SERINC5: variants seen among roughly 807,000 people sequenced by gnomAD.
SERINC5 encodes chromosome 5 open reading frame 12.
In SERINC5, 41 loss-of-function variants were observed where a neutral mutation model predicts 63.1. That is an observed-to-expected ratio of 0.65 (90% CI 0.51 to 0.84). The LOEUF (loss-of-function observed/expected upper bound fraction) is 0.84. SERINC5 is among the 40% of genes least tolerant of loss of function. SERINC5 has a pLI of 0.00. For synonymous variants in SERINC5, 222 were observed against 215.2 expected (o/e 1.03, Z -0.28); for missense variants, 523 against 573.0 (o/e 0.91, Z 0.89).
At chr5:80,247,840 A>T (rs1269295917) in intron 1 of SERINC5, among the ~76,000 whole-genome samples, 1 of 152,124 alleles carries the variant, frequency 6.6e-6, no homozygotes, top group Non-Finnish European at 1.5e-5. Flanking sequence ...CTGTATATAC[A>T]TACCTATGAG....
At chr5:80,242,388 TG>T (rs576060109) in intron 1 of SERINC5, among the ~76,000 whole-genome samples, 33 of 151,480 alleles carry the variant, frequency 2.2e-4, no homozygotes, top group African/African-American at 7.5e-4. Flanking sequence ...GAGGCCAAGG[TG>T]GGTGGATCAT....
Position 80,130,281 on chromosome 5 carries a change from G to A in SERINC5, c.1238+15809C>T, listed in dbSNP as rs186408582. Among the ~76,000 whole-genome samples, 561 of 152,150 alleles carry A rather than the reference G, an allele frequency of 3.7e-3. 5 individuals are homozygous for A. Among genetic ancestry groups the A allele is most frequent in the African/African-American group, 0.013 (531 of 41,474 alleles). On this transcript the variant is annotated intron_variant, in intron 11 of 12. Transcript: ENST00000509193. ...TGTAATCCCAGCTACTCGGGAGGCT[G>A]AGGCAGGAGAATCACTTGAACCCAG...
chr5:80,208,531 C>T (rs904819196), intron 1 of SERINC5, among the ~76,000 whole-genome samples: 1 of 152,176 alleles, frequency 6.6e-6, no homozygotes, highest in Non-Finnish European at 1.5e-5. Context: ...GGCTGGCAAT[C>T]TCCTCCATGG....
intron 2 of SERINC5, chr5:80,198,660 T>G: frequency 1.0e-6 from 1 of 985,410 alleles, no homozygotes; most frequent in Non-Finnish European, 1.2e-6. Context: ...GAGCCCAGTG[T>G]GCGTCCCTAC....
chr5:80,159,920 C>G (rs1746777735), intron 7 of SERINC5, among the ~76,000 whole-genome samples: 1 of 152,090 alleles, frequency 6.6e-6, no homozygotes, highest in African/African-American at 2.4e-5. Context: ...TTTTTACCTG[C>G]CTGTTTATTC....
At chr5:80,129,714 G>A (rs1420479740) in intron 11 of SERINC5, among the ~76,000 whole-genome samples, 3 of 152,154 alleles carry the variant, frequency 2.0e-5, no homozygotes, top group Admixed American at 6.5e-5. Flanking sequence ...ATATATAGAT[G>A]TTCTAAGTGA....
At chr5:80,245,609 ATTTT>A (rs5869028) in intron 1 of SERINC5, among the ~76,000 whole-genome samples, 1 of 150,394 alleles carries the variant, frequency 6.6e-6, no homozygotes, top group Admixed American at 6.7e-5. Flanking sequence ...GTGAATATTT[ATTTT>A]TTTTTATTTT....
intron 11 of SERINC5, chr5:80,116,275 G>C: frequency 6.6e-6 from 3 of 455,384 alleles, no homozygotes; most frequent in South Asian, 4.7e-5. Flanking sequence ...ATCCCCTCTT[G>C]CAAAAAGGGT....
intron 1 of SERINC5, among the ~76,000 whole-genome samples, chr5:80,241,558 G>A (rs934335852): frequency 3.3e-5 from 5 of 151,968 alleles, no homozygotes; most frequent in Admixed American, 2.6e-4. Flanking sequence ...TAAGAACAAA[G>A]AACAGAAGAG....
chr5:80,205,987 A>AAAC (rs1303057871), intron 1 of SERINC5, among the ~76,000 whole-genome samples: 1 of 151,668 alleles, frequency 6.6e-6, no homozygotes, highest in East Asian at 1.9e-4. Flanking sequence ...AAAAAAAAAA[A>AAAC]AAAAAAAACC....
At chr5:80,205,916 A>AAAACC in intron 1 of SERINC5, among the ~76,000 whole-genome samples, 1 of 144,474 alleles carries the variant, frequency 6.9e-6, no homozygotes, top group Non-Finnish European at 1.5e-5. Context: ...TACTAAATAC[A>AAAACC]AAACAAAACA....
At chr5:80,152,292 G>C (rs1561371901) in intron 8 of SERINC5, among the ~76,000 whole-genome samples, 1 of 152,114 alleles carries the variant, frequency 6.6e-6, no homozygotes, top group Non-Finnish European at 1.5e-5. Context: ...CTTGAGCCCA[G>C]GAGTTCGAGA....
At chr5:80,153,747 G>A (rs1182965064) in intron 8 of SERINC5, among the ~76,000 whole-genome samples, 1 of 151,270 alleles carries the variant, frequency 6.6e-6, no homozygotes, top group East Asian at 1.9e-4. Flanking sequence ...GTCTCTGCCT[G>A]CTGCCACCCC....
chr5:80,223,544 C>G (rs2112544440), intron 1 of SERINC5, among the ~76,000 whole-genome samples: 1 of 152,118 alleles, frequency 6.6e-6, no homozygotes, highest in African/African-American at 2.4e-5. Flanking sequence ...AAAATTATAA[C>G]TGGTTAGTAT....
intron 7 of SERINC5, 121 bp downstream of exon 7, chr5:80,166,262 C>A: frequency 1.4e-6 from 1 of 693,094 alleles, no homozygotes; most frequent in Non-Finnish European, 2.5e-6. Context: ...TTCCCAGCCT[C>A]TGGTAACCAT....
downstream of SERINC5, chr5:80,138,630 A>G (rs1745317026): frequency 5.4e-6 from 1 of 183,568 alleles, no homozygotes. Flanking sequence ...CTGTGAGTAG[A>G]TTTTAAATGT....
At chr5:80,218,892 G>A (rs1239180354) in intron 1 of SERINC5, among the ~76,000 whole-genome samples, 3 of 152,014 alleles carry the variant, frequency 2.0e-5, no homozygotes, top group Non-Finnish European at 4.4e-5. Context: ...CCACTGCCCA[G>A]TAACAATATG....
chr5:80,143,924 C>T, intron 11 of SERINC5, 114 bp from the exon 12 acceptor site: 2 of 1,221,284 alleles, frequency 1.6e-6, no homozygotes, highest in Non-Finnish European at 2.3e-6. Flanking sequence ...TATTCATACA[C>T]AGACTTGTGC....
intron 7 of SERINC5, among the ~76,000 whole-genome samples, chr5:80,161,618 C>T (rs1416544935): frequency 1.3e-5 from 2 of 152,086 alleles, no homozygotes; most frequent in African/African-American, 4.8e-5. Context: ...CCCTATAAGA[C>T]ACAGTTTGCA....
Sources: allele counts gnomAD v4.1 joint callset (sites outside exome capture counted in the v4.1 genomes callset), GRCh38; gene constraint gnomAD v4.1.1; transcripts MANE v1.5; gene names NCBI Gene and HGNC (gene_info 2026-07-23, HGNC 2026-07-21).